The following ATF1 variants were observed in gnomAD, a reference collection of about 807,000 sequenced individuals.
The protein encoded by ATF1 is cyclic AMP-dependent transcription factor ATF-1.
In ATF1, 16 loss-of-function variants were observed where a neutral mutation model predicts 34.7. The observed-to-expected ratio is 0.46, with a 90% CI of 0.31 to 0.70. The LOEUF (loss-of-function observed/expected upper bound fraction) is 0.70, where lower values mean the gene tolerates loss of function less well. Ranked by LOEUF, ATF1 falls within the 30% of genes least tolerant of loss-of-function variation. ATF1 has a pLI of 0.05. For missense variants in ATF1, 255 were observed against 321.6 expected, an observed-to-expected ratio of 0.79 and a Z score of 1.58; for synonymous variants, 105 against 113.1, an observed-to-expected ratio of 0.93 and a Z score of 0.46.
chr12:50,779,710 TTATC>T (rs1941012814), intron 1 of ATF1, among the ~76,000 whole-genome samples: 1 of 152,172 alleles, frequency 6.6e-6, no homozygotes, highest in Admixed American at 6.6e-5. Context: ...CTGAAGTTGA[TTATC>T]TAAGTTTTCT....
At chr12:50,780,097 C>T (rs917279267) in intron 1 of ATF1, 43 bp from the exon 2 acceptor site, 25 of 1,415,162 alleles carry the variant, frequency 1.8e-5, no homozygotes, top group Non-Finnish European at 2.4e-5. Flanking sequence ...TGTAAACATT[C>T]TGTATCATAT....
intron 6 of ATF1, among the ~76,000 whole-genome samples, chr12:50,816,195 C>T (rs915770165): frequency 1.3e-5 from 2 of 151,936 alleles, no homozygotes; most frequent in Non-Finnish European, 2.9e-5. Flanking sequence ...GGCATGGTGG[C>T]GTGTGCCTAA....
At chr12:50,785,256 A>C (rs923332063) in intron 2 of ATF1, among the ~76,000 whole-genome samples, 1 of 143,572 alleles carries the variant, frequency 7.0e-6, no homozygotes, top group South Asian at 2.3e-4. Flanking sequence ...GACTCACCCC[A>C]TCTCAAAAAA....
rs745886354 is a variant in ATF1, at chr12:50,780,251, C to T, written c.93+13C>T. The T allele has an allele frequency of 7.6e-6, 12 of 1,574,872 alleles. No homozygotes were observed. Among genetic ancestry groups the T allele is most frequent in the Non-Finnish European group, 8.7e-6 (10 of 1,146,426 alleles). ...TATTGCTCAACAGGTAAGGGAGGGA[C>T]TGGCCAAAATACTGAGCTTGTTAGG... On this transcript the variant is annotated intron_variant, in intron 2 of 6. Coordinates refer to ENST00000262053, the MANE Select transcript of ATF1 (RefSeq NM_005171.5).
intron 2 of ATF1, among the ~76,000 whole-genome samples, chr12:50,780,823 A>G (rs1592174016): frequency 6.6e-6 from 1 of 151,950 alleles, no homozygotes; most frequent in African/African-American, 2.4e-5. Flanking sequence ...AGCCAGGTGC[A>G]GTGGCGGTTG....
chr12:50,813,042 A>T (rs1305290899), intron 4 of ATF1, among the ~76,000 whole-genome samples: 1 of 152,216 alleles, frequency 6.6e-6, no homozygotes, highest in Non-Finnish European at 1.5e-5. Flanking sequence ...AAAAGAGGGT[A>T]CAGAGATGAG....
chr12:50,767,422 A>G (rs2139632196), intron 1 of ATF1, among the ~76,000 whole-genome samples: 1 of 152,350 alleles, frequency 6.6e-6, no homozygotes, highest in East Asian at 1.9e-4. Flanking sequence ...TGGGAGGCTG[A>G]GGCAGGATAA....
At chr12:50,798,589 G>A (rs781225650) in intron 3 of ATF1, among the ~76,000 whole-genome samples, 14 of 152,222 alleles carry the variant, frequency 9.2e-5, no homozygotes, top group South Asian at 4.1e-4. Context: ...GATTACAGGC[G>A]TGAGTCACCA....
Position 50,820,094 on chromosome 12 carries a change from A to G in ATF1, c.*315A>G, listed in dbSNP as rs1941919659. ...ATGGCAGAGAAGATGAAATTTGATAAACTGAATTTTTTTTAAAAATCCATT... is the reference window on the plus strand; with the variant it reads ...ATGGCAGAGAAGATGAAATTTGATAGACTGAATTTTTTTTAAAAATCCATT... On this transcript the variant is annotated 3_prime_UTR_variant, in exon 7 of 7. Transcript: ENST00000262053. 3.9e-6 allele frequency: 1 copy of G among 255,678 alleles called. No individual in the cohort carries two copies. Among genetic ancestry groups the G allele is most frequent in the South Asian group, 1.2e-4 (1 of 8,418 alleles). The allele number at this position is 255,678 out of a possible 1,614,324, so 15.8% of individuals were successfully genotyped here. A position where few individuals can be genotyped will look rare whatever the true frequency, so the allele number is the denominator to read the frequency against.
At chr12:50,784,916 C>T (rs997829556) in intron 2 of ATF1, among the ~76,000 whole-genome samples, 7 of 150,808 alleles carry the variant, frequency 4.6e-5, no homozygotes, top group African/African-American at 9.8e-5. Flanking sequence ...TATTATTATA[C>T]TTTAAGTTTT....
chr12:50,788,322 A>T (rs1315672138), intron 2 of ATF1: 1 of 422,936 alleles, frequency 2.4e-6, no homozygotes, highest in African/African-American at 2.1e-5. Context: ...AGCAGGGACC[A>T]CAGGTGTGTG....
intron 4 of ATF1, among the ~76,000 whole-genome samples, chr12:50,812,010 CTG>C (rs1353560480): frequency 6.6e-6 from 1 of 152,112 alleles, no homozygotes; most frequent in Non-Finnish European, 1.5e-5. Context: ...CCATGTGTGA[CTG>C]TTGAGTGCTT....
chr12:50,788,460 G>A, intron 2 of ATF1: 1 of 264,538 alleles, frequency 3.8e-6, no homozygotes, highest in Non-Finnish European at 7.5e-6. Context: ...TGCAGTGCTG[G>A]TATGCGTGAG....
At chr12:50,780,939 A>C (rs1941046605) in intron 2 of ATF1, among the ~76,000 whole-genome samples, 1 of 152,090 alleles carries the variant, frequency 6.6e-6, no homozygotes, top group African/African-American at 2.4e-5. Context: ...CAGCCTGGGC[A>C]ATAGAACGAG....
chr12:50,813,224 A>G (rs892395969), intron 4 of ATF1, among the ~76,000 whole-genome samples: 2 of 152,196 alleles, frequency 1.3e-5, no homozygotes, highest in African/African-American at 2.4e-5. Flanking sequence ...GCTTTCTGCT[A>G]TCTTTATTAG....
chr12:50,804,319 A>G (rs754505432), intron 3 of ATF1, among the ~76,000 whole-genome samples: 10 of 152,234 alleles, frequency 6.6e-5, no homozygotes, highest in Non-Finnish European at 1.2e-4. Context: ...TTACATAATG[A>G]TAAGAGTTCA....
In ATF1 at chr12:50,817,347, CTGAA is replaced by C. The variant is rs571590622; in HGVS notation, c.672-2282_672-2279del. ...AGAATGGAATGTTTATTTGTAATGA[CTGAA>C]TGAATAATCATTTCAACATGAATAA... On this transcript the variant is annotated intron_variant, in intron 6 of 6. Coordinates refer to ENST00000262053, the MANE Select transcript of ATF1 (RefSeq NM_005171.5). 2.9e-3 allele frequency among the ~76,000 whole-genome samples: 444 copies of C among 152,166 alleles called. 4 individuals are homozygous for C. Among genetic ancestry groups the C allele is most frequent in the African/African-American group, 0.01 (418 of 41,492 alleles).
chr12:50,819,867 G>C lies in ATF1; in HGVS notation c.*88G>C. 5 of 1,142,288 alleles carry C rather than the reference G, an allele frequency of 4.4e-6. No homozygotes were observed. Among genetic ancestry groups the C allele is most frequent in the Non-Finnish European group, 6.1e-6 (5 of 813,382 alleles). The allele number at this position is 1,142,288 out of a possible 1,614,324, so 70.8% of individuals were successfully genotyped here. ...TTTTATAAATTAAAAGGTCAAAACT[G>C]AAGCTTTTTATTTAGGCTTTTCCAA... On this transcript the variant is annotated 3_prime_UTR_variant, in exon 7 of 7. Coordinates refer to ENST00000262053, the MANE Select transcript of ATF1 (RefSeq NM_005171.5).
At chr12:50,798,225 A>G (rs1941447221) in intron 3 of ATF1, among the ~76,000 whole-genome samples, 1 of 152,134 alleles carries the variant, frequency 6.6e-6, no homozygotes, top group African/African-American at 2.4e-5. Flanking sequence ...AATGTGAGAA[A>G]GTATGGTGAA....
Sources: gnomAD v4.1 joint callset for allele counts (sites outside exome capture counted in the v4.1 genomes callset) on GRCh38, gnomAD v4.1.1 for gene constraint, MANE v1.5 for transcripts, NCBI Gene and HGNC (gene_info 2026-07-23, HGNC 2026-07-21) for gene names.